GRM1: variants seen among roughly 807,000 people sequenced by gnomAD.
The protein encoded by GRM1 is metabotropic glutamate receptor 1.
GRM1 carries 33 observed loss-of-function variants against 90.9 expected under a neutral mutation model. The observed-to-expected ratio is 0.36, with a 90% confidence interval of 0.28 to 0.49. The LOEUF (loss-of-function observed/expected upper bound fraction) is 0.49. Among genes scored for constraint, GRM1 ranks in the 20% least tolerant of loss-of-function variants. The pLI, the probability that GRM1 is intolerant of heterozygous loss-of-function variation, is 0.99. For missense variants in GRM1, 1,190 were observed against 1,534.3 expected, an observed-to-expected ratio of 0.78 and a Z score of 3.75; for synonymous variants, 700 against 613.2, an observed-to-expected ratio of 1.14 and a Z score of -2.09.
At position 146,398,630 on chromosome 6, in the gene GRM1, G is replaced by C. The variant is rs1338456283; in HGVS notation, c.1730-139G>C. The stretch of plus-strand genomic sequence containing the variant: ...ATGATGTATCTTTATTTGTGTAATA[G>C]TGTGCATTTTTAAAAAAGCATTAAA... On this transcript the variant is annotated intron_variant, in intron 6 of 7. Transcript: ENST00000282753. 3 of 742,344 alleles carry C rather than the reference G, an allele frequency of 4.0e-6. No homozygotes were observed. The South Asian group carries it at 4.4e-5, about 11-fold the overall frequency. 46.0% of individuals were successfully genotyped at this position (742,344 alleles called of 1,614,324 possible).
intron 5 of GRM1, among the ~76,000 whole-genome samples, chr6:146,372,621 T>C (rs1372637239): frequency 2.0e-5 from 3 of 152,144 alleles, no homozygotes; most frequent in Non-Finnish European, 4.4e-5. Context: ...TAATTGATAT[T>C]TATTTGATTT....
At chr6:146,358,592 A>ATGC (rs1324206332) in intron 5 of GRM1, among the ~76,000 whole-genome samples, 2 of 152,302 alleles carry the variant, frequency 1.3e-5, no homozygotes, top group East Asian at 3.9e-4. Context: ...CCATGCTGAC[A>ATGC]TGCCGCTGTA....
At chr6:146,037,540 A>G (rs1790935752) in intron 1 of GRM1, among the ~76,000 whole-genome samples, 2 of 151,836 alleles carry the variant, frequency 1.3e-5, no homozygotes, top group Admixed American at 6.6e-5. Flanking sequence ...GGTCCATACT[A>G]TTTAGCTCAA....
intron 2 of GRM1, among the ~76,000 whole-genome samples, chr6:146,201,912 A>G (rs1478672225): frequency 1.3e-5 from 2 of 152,172 alleles, no homozygotes; most frequent in Non-Finnish European, 2.9e-5. Flanking sequence ...CCGCTGTGCA[A>G]TGCTGCCATG....
At chr6:146,102,398 A>G (rs1441054910) in intron 1 of GRM1, among the ~76,000 whole-genome samples, 1 of 152,234 alleles carries the variant, frequency 6.6e-6, no homozygotes, top group Non-Finnish European at 1.5e-5. Flanking sequence ...CAATATTTAC[A>G]AAACTGAGCT....
Position 146,435,241 on chromosome 6 carries a change from G to A in GRM1, c.*445G>A. Reference sequence around the variant, plus strand: ...TCATGAGTTCACCTGATGGCATTCGGAGTGAGCTGGTGGAGCCAGACAGAG... The same window carrying A: ...TCATGAGTTCACCTGATGGCATTCGAAGTGAGCTGGTGGAGCCAGACAGAG... On this transcript the variant is annotated 3_prime_UTR_variant, in exon 8 of 8. Transcript: ENST00000282753. The A allele has an allele frequency of 3.1e-6, 1 of 318,508 alleles. No individual in the cohort carries two copies. Among genetic ancestry groups the A allele is most frequent in the South Asian group, 2.8e-5 (1 of 35,950 alleles). 19.7% of individuals were successfully genotyped at this position (318,508 alleles called of 1,614,324 possible). A position where few individuals can be genotyped will look rare whatever the true frequency, so the allele number is the denominator to read the frequency against.
At position 146,061,180 on chromosome 6, in the gene GRM1, C is replaced by T. The variant is rs79931667; in HGVS notation, c.700+30963C>T. On this transcript the variant is annotated intron_variant, in intron 1 of 7. Coordinates refer to ENST00000282753, the MANE Select transcript of GRM1 (RefSeq NM_001278064.2). The stretch of plus-strand genomic sequence containing the variant: ...GGTTCATGGTGTCCCAAAACAATTA[C>T]AATAGTGACATTCAGGATCACTTAT... Among the ~76,000 whole-genome samples, 699 of 152,050 alleles carry T rather than the reference C, an allele frequency of 4.6e-3. 33 individuals are homozygous for T. In the East Asian group the frequency reaches 0.1, roughly 23 times the overall value.
At chr6:146,387,877 G>A (rs1776568600) in intron 6 of GRM1, among the ~76,000 whole-genome samples, 1 of 152,058 alleles carries the variant, frequency 6.6e-6, no homozygotes, top group Admixed American at 6.6e-5. Context: ...CGCATTTCTG[G>A]TATGCTTCTT....
chr6:146,153,106 C>G (rs1227246861), intron 1 of GRM1, among the ~76,000 whole-genome samples: 1 of 152,054 alleles, frequency 6.6e-6, no homozygotes, highest in East Asian at 1.9e-4. Context: ...AGCACATGTC[C>G]CCTAGTTTCT....
intron 1 of GRM1, among the ~76,000 whole-genome samples, chr6:146,080,328 C>T (rs528786487): frequency 6.6e-6 from 1 of 152,258 alleles, no homozygotes; most frequent in South Asian, 2.1e-4. Flanking sequence ...TCTGAATATG[C>T]TGTCTTCTGC....
rs560819725 is a variant in GRM1, at chr6:146,132,288, G to T, written c.701-27060G>T. Among the ~76,000 whole-genome samples the T allele has an allele frequency of 9.2e-5, 14 of 152,232 alleles. 1 individual carries two copies. In the South Asian group the frequency reaches 1.0e-3, roughly 11 times the overall value. On this transcript the variant is annotated intron_variant, in intron 1 of 7. Transcript: ENST00000282753. ...AGAGGAAAAACAGTGGATGTGGTGGGGGGGGACCACATTGAAGGATATGGC... is the reference window on the plus strand; with the variant it reads ...AGAGGAAAAACAGTGGATGTGGTGGTGGGGGACCACATTGAAGGATATGGC...
At position 146,139,966 on chromosome 6, in the gene GRM1, C is replaced by CCTTCCCTCCGCTTCCCTCCG. The variant is rs1223485980; in HGVS notation, c.701-19362_701-19343dup. Among the ~76,000 whole-genome samples, 812 of 106,984 alleles carry CCTTCCCTCCGCTTCCCTCCG rather than the reference C, an allele frequency of 7.6e-3. 20 individuals carry two copies. The highest frequency in any genetic ancestry group is 0.033 in the African/African-American group (762 of 23,252). 70.2% of individuals were successfully genotyped at this position (106,984 alleles called of 152,430 possible). On this transcript the variant is annotated intron_variant, in intron 1 of 7. Coordinates refer to ENST00000282753, the MANE Select transcript of GRM1 (RefSeq NM_001278064.2). ...CCTGCCCTCCCCTCCCCTTCCCTTC[C>CCTTCCCTCCGCTTCCCTCCG]CTTCCCTCCGCTTCCCTCCGCTTCC...
chr6:146,295,987 T>A (rs1258516478), intron 2 of GRM1, among the ~76,000 whole-genome samples: 2 of 152,232 alleles, frequency 1.3e-5, no homozygotes, highest in African/African-American at 2.4e-5. Flanking sequence ...TGGTTTTCTG[T>A]TCCTGCATTA....
At chr6:146,077,230 G>A (rs889643626) in intron 1 of GRM1, among the ~76,000 whole-genome samples, 3 of 152,150 alleles carry the variant, frequency 2.0e-5, no homozygotes, top group Admixed American at 6.5e-5. Flanking sequence ...GTGAATTCTG[G>A]TTCAAATACA....
intron 2 of GRM1, among the ~76,000 whole-genome samples, chr6:146,212,377 T>C (rs1041900105): frequency 6.6e-6 from 1 of 152,216 alleles, no homozygotes; most frequent in Non-Finnish European, 1.5e-5. Context: ...AAAGATTTCA[T>C]TTTGAAGATG....
intron 1 of GRM1, among the ~76,000 whole-genome samples, chr6:146,119,126 C>T (rs1244595697): frequency 6.6e-6 from 1 of 152,138 alleles, no homozygotes; most frequent in East Asian, 1.9e-4. Flanking sequence ...TTTTAATGAT[C>T]GCCATTGTAA....
intron 4 of GRM1, among the ~76,000 whole-genome samples, chr6:146,357,019 C>T (rs1397467964): frequency 6.6e-6 from 1 of 152,090 alleles, no homozygotes; most frequent in Non-Finnish European, 1.5e-5. Context: ...ACATTAAATC[C>T]TCAACATCCT....
upstream of GRM1, among the ~76,000 whole-genome samples, chr6:146,028,073 G>A (rs1371134280): frequency 6.6e-6 from 1 of 152,114 alleles, no homozygotes; most frequent in African/African-American, 2.4e-5. Flanking sequence ...GAGAAAAGGA[G>A]CAGGGGAGGA....
chr6:146,365,613 G>A (rs1475221439), intron 5 of GRM1: 2 of 152,256 alleles, frequency 1.3e-5, no homozygotes, highest in African/African-American at 2.4e-5. Flanking sequence ...GAAAAGTAGC[G>A]GAGGGCAGCA....
Sources: allele counts gnomAD v4.1 joint callset (sites outside exome capture counted in the v4.1 genomes callset), GRCh38; gene constraint gnomAD v4.1.1; transcripts MANE v1.5; gene names NCBI Gene and HGNC (gene_info 2026-07-23, HGNC 2026-07-21).